BIVM: variants seen among roughly 807,000 people sequenced by gnomAD.
The protein encoded by BIVM is basic, immunoglobulin-like variable motif containing.
A neutral mutation model predicts 61.4 loss-of-function variants in BIVM; 31 were observed. The ratio of observed to expected loss-of-function variants is 0.51; its 90% CI spans 0.38 to 0.68. The LOEUF (loss-of-function observed/expected upper bound fraction) is 0.68. BIVM is among the 30% of genes least tolerant of loss of function. The probability of loss-of-function intolerance (pLI) is 0.00; values close to 1 mark genes in which losing one functional copy is unlikely to be tolerated. For missense variants in BIVM, 526 were observed against 596.0 expected (o/e 0.88, Z 1.22); for synonymous variants, 189 against 210.7 (o/e 0.90, Z 0.89).
chr13:102,824,762 T>C (rs1464319900), intron 7 of BIVM, among the ~76,000 whole-genome samples: 1 of 152,072 alleles, frequency 6.6e-6, no homozygotes, highest in Non-Finnish European at 1.5e-5. Context: ...AAAAATTTTA[T>C]TATTTATTTT....
chr13:102,812,146 C>T, intron 3 of BIVM, among the ~76,000 whole-genome samples: 1 of 152,126 alleles, frequency 6.6e-6, no homozygotes, highest in East Asian at 1.9e-4. Flanking sequence ...TTTCTGCCTG[C>T]TCAAAACTGC....
At position 102,839,545 on chromosome 13, in the gene BIVM, C is replaced by T. The variant is rs1182244847; in HGVS notation, c.1219-27C>T. On this transcript the variant is annotated intron_variant, in intron 10 of 10. Transcript: ENST00000257336. The stretch of plus-strand genomic sequence containing the variant: ...AGTACAATTAATTTCCCTTTATTTT[C>T]TTCAGCCAACATTTTTTTCTTCTCA... 3 of 1,608,230 alleles carry T rather than the reference C, an allele frequency of 1.9e-6. No homozygotes were observed. In the South Asian group the frequency reaches 3.3e-5, roughly 18 times the overall value.
At chr13:102,820,144 G>A (rs11839199) in intron 4 of BIVM, among the ~76,000 whole-genome samples, 3,059 of 152,196 alleles carry the variant, frequency 0.02, 121 homozygotes, top group African/African-American at 0.071. Context: ...ACAAGGTCAA[G>A]AGATTGAGAC....
intron 1 of BIVM, among the ~76,000 whole-genome samples, chr13:102,803,203 G>A (rs980868960): frequency 6.0e-5 from 9 of 150,604 alleles, no homozygotes; most frequent in African/African-American, 2.2e-4. Context: ...TTCCAAATGA[G>A]CATACTTTTA....
Position 102,839,790 on chromosome 13 carries a change from G to A in BIVM, c.1437G>A (p.Trp479Ter), listed in dbSNP as rs1271229328. 1.2e-6 allele frequency: 2 copies of A among 1,614,148 alleles called. No homozygotes were observed. Among genetic ancestry groups the A allele is most frequent in the Non-Finnish European group, 1.7e-6 (2 of 1,180,028 alleles). Residue 479 changes from tryptophan (W) to a stop codon, truncating the protein, a stop_gained, in exon 11 of 11, where the codon TGG becomes TGA. Coordinates refer to ENST00000257336, the MANE Select transcript of BIVM (RefSeq NM_017693.4). LOFTEE classifies it high-confidence loss of function. ...CTAGTTTCCATCAGGACTCGGCATG[G>A]AAAAAGATGTCTAGTATCCATGAGA... ...FSASFHQDSA[W>*]KKMSSIHERR...
intron 8 of BIVM, among the ~76,000 whole-genome samples, chr13:102,832,166 T>C (rs1257565203): frequency 6.6e-6 from 1 of 152,196 alleles, no homozygotes; most frequent in Non-Finnish European, 1.5e-5. Context: ...TGTTCAGTCA[T>C]TATAGGAAAA....
intron 7 of BIVM, 50 bp from the exon 8 acceptor site, chr13:102,831,515 G>T: frequency 6.2e-7 from 1 of 1,611,056 alleles, no homozygotes. Context: ...TGTAAAGCAT[G>T]GACACTGCTT....
rs146267138 is a variant in BIVM, at chr13:102,824,476, T to C, written c.901+2317T>C. Among the ~76,000 whole-genome samples, 10 of 152,384 alleles carry C rather than the reference T, an allele frequency of 6.6e-5. No individual in the cohort carries two copies. The East Asian group carries it at 1.9e-3, about 29-fold the overall frequency. Reference sequence around the variant, plus strand: ...GTCATCTTGTATAACCACCTGGATGTGTCGGTACTGAAAATCATTAACCTA... The same window carrying C: ...GTCATCTTGTATAACCACCTGGATGCGTCGGTACTGAAAATCATTAACCTA... On this transcript the variant is annotated intron_variant, in intron 7 of 10. Coordinates refer to ENST00000257336, the MANE Select transcript of BIVM (RefSeq NM_017693.4).
At chr13:102,829,010 CT>C (rs35119292) in intron 7 of BIVM, among the ~76,000 whole-genome samples, 7 of 143,012 alleles carry the variant, frequency 4.9e-5, no homozygotes, top group African/African-American at 1.8e-4. Context: ...GCCTGGGCAT[CT>C]TTTTTTTTTT....
chr13:102,835,722 G>C (rs974189719), intron 9 of BIVM, among the ~76,000 whole-genome samples: 6 of 152,126 alleles, frequency 3.9e-5, no homozygotes, highest in Non-Finnish European at 8.8e-5. Context: ...TCGTAGAGAC[G>C]GGGTTTCGCC....
intron 3 of BIVM, among the ~76,000 whole-genome samples, chr13:102,816,011 GAAAGCC>G (rs1261009938): frequency 3.3e-5 from 5 of 152,074 alleles, no homozygotes; most frequent in African/African-American, 1.2e-4. Flanking sequence ...TTGTTTTATA[GAAAGCC>G]TTCATTTTCT....
At chr13:102,800,439 C>A (rs966807149) in intron 1 of BIVM, 5 of 152,318 alleles carry the variant, frequency 3.3e-5, no homozygotes, top group African/African-American at 7.2e-5. Context: ...TCGGGGTGCC[C>A]GCGACACGCG....
rs535878058 is a variant in BIVM, at chr13:102,828,984, T to A, written c.902-2581T>A. Among the ~76,000 whole-genome samples the A allele has an allele frequency of 2.3e-3, 338 of 150,074 alleles. 1 individual carries two copies. The highest frequency in any genetic ancestry group is 2.0e-3 in the Non-Finnish European group (137 of 67,788). ...GGTGGAGGTTGCAGTGAGCTGAGAT[T>A]GTGCCATGCACTCCAGCCTGGGCAT... is the stretch of plus-strand genomic sequence containing the variant. On this transcript the variant is annotated intron_variant, in intron 7 of 10. Coordinates refer to ENST00000257336, the MANE Select transcript of BIVM (RefSeq NM_017693.4).
At chr13:102,824,243 T>G (rs1231211219) in intron 7 of BIVM, among the ~76,000 whole-genome samples, 2 of 152,186 alleles carry the variant, frequency 1.3e-5, no homozygotes, top group Non-Finnish European at 2.9e-5. Flanking sequence ...ATTAGCAACC[T>G]GAGCTGGCAC....
At chr13:102,838,189 T>G (rs901474779) in intron 9 of BIVM, among the ~76,000 whole-genome samples, 6 of 152,386 alleles carry the variant, frequency 3.9e-5, no homozygotes, top group African/African-American at 1.4e-4. Flanking sequence ...TTGATTTTCC[T>G]ATGTAGACCT....
intron 7 of BIVM, among the ~76,000 whole-genome samples, chr13:102,824,952 T>TAA (rs71131023): frequency 2.1e-5 from 3 of 144,848 alleles, no homozygotes; most frequent in Non-Finnish European, 3.0e-5. Flanking sequence ...ATTAATTAAT[T>TAA]TTTTTTTTGA....
chr13:102,839,208 C>T (rs1881678115), intron 10 of BIVM, among the ~76,000 whole-genome samples: 1 of 152,058 alleles, frequency 6.6e-6, no homozygotes, highest in Non-Finnish European at 1.5e-5. Context: ...GAGAGGCTCT[C>T]AGGAAATGAT....
chr13:102,809,572 AC>A (rs1879336401), intron 3 of BIVM, among the ~76,000 whole-genome samples: 1 of 152,214 alleles, frequency 6.6e-6, no homozygotes. Flanking sequence ...TCTATCAATT[AC>A]CAAAAGAAGG....
chr13:102,807,784 G>A lies in BIVM; in HGVS notation c.478+39G>A, dbSNP rs778692775. 3 of 1,547,626 alleles carry A rather than the reference G, an allele frequency of 1.9e-6. No homozygotes were observed. The highest frequency in any genetic ancestry group is 2.6e-6 in the Non-Finnish European group (3 of 1,147,382). On this transcript the variant is annotated intron_variant, in intron 3 of 10. Transcript: ENST00000257336. This position sits in a 1 kb window ranked among gnomAD's most constrained non-coding sequence, Gnocchi z 4.0. ...CATGAAGTTCATATGTGAAAATAATGAGAAAACAAACACTATGTCTTGTTT... is the reference window on the plus strand; with the variant it reads ...CATGAAGTTCATATGTGAAAATAATAAGAAAACAAACACTATGTCTTGTTT...
Sources: gnomAD v4.1 joint callset for allele counts (sites outside exome capture counted in the v4.1 genomes callset) on GRCh38, gnomAD v4.1.1 for gene constraint, Gnocchi (gnomAD v3.1) non-coding constraint, MANE v1.5 for transcripts, NCBI Gene and HGNC (gene_info 2026-07-23, HGNC 2026-07-21) for gene names.